LRRC8D: variants seen among roughly 807,000 people sequenced by gnomAD.
The protein encoded by LRRC8D is volume-regulated anion channel subunit LRRC8D.
In LRRC8D, 20 loss-of-function variants were observed where a neutral mutation model predicts 55.8. That is an observed-to-expected ratio of 0.36 (90% CI 0.25 to 0.52). LRRC8D has a LOEUF of 0.52. Ranked by LOEUF, LRRC8D falls within the 20% of genes least tolerant of loss-of-function variation. The probability of loss-of-function intolerance (pLI) is 0.93; values close to 1 mark genes in which losing one functional copy is unlikely to be tolerated. For synonymous variants in LRRC8D, 352 were observed against 377.0 expected (o/e 0.93, Z 0.77); for missense variants, 651 against 1,030.8 (o/e 0.63, Z 5.05).
chr1:89,909,204 G>A (rs1287569103), intron 2 of LRRC8D, among the ~76,000 whole-genome samples: 1 of 152,118 alleles, frequency 6.6e-6, no homozygotes, highest in Admixed American at 6.5e-5. Flanking sequence ...TTTAGAGGAG[G>A]CCTGTAATTT....
chr1:89,845,625 C>G (rs1357447092), intron 2 of LRRC8D, among the ~76,000 whole-genome samples: 1 of 151,854 alleles, frequency 6.6e-6, no homozygotes, highest in South Asian at 2.1e-4. Context: ...TTAGTAGAGA[C>G]AGGGTTTCAC....
chr1:89,829,505 T>C (rs1021397802), intron 1 of LRRC8D, among the ~76,000 whole-genome samples: 4 of 152,248 alleles, frequency 2.6e-5, no homozygotes, highest in Non-Finnish European at 5.9e-5. Context: ...TTTAATATTT[T>C]ATAATATATA....
intron 2 of LRRC8D, among the ~76,000 whole-genome samples, chr1:89,885,321 C>T (rs1311615302): frequency 6.6e-6 from 1 of 152,146 alleles, no homozygotes; most frequent in Non-Finnish European, 1.5e-5. Flanking sequence ...CTGCATATAG[C>T]ATTGTTTATA....
intron 2 of LRRC8D, among the ~76,000 whole-genome samples, chr1:89,857,719 A>G (rs1661595008): frequency 6.6e-6 from 1 of 152,224 alleles, no homozygotes; most frequent in African/African-American, 2.4e-5. Context: ...CCCCTGTCCT[A>G]TACCTTCTGT....
At chr1:89,898,598 C>T (rs1662772707) in intron 2 of LRRC8D, among the ~76,000 whole-genome samples, 1 of 152,178 alleles carries the variant, frequency 6.6e-6, no homozygotes, top group South Asian at 2.1e-4. Flanking sequence ...AGGCTAGGAT[C>T]AGTGAGTGTA....
chr1:89,902,541 CT>C (rs935184892), intron 2 of LRRC8D, among the ~76,000 whole-genome samples: 295 of 145,086 alleles, frequency 2.0e-3, no homozygotes, highest in Middle Eastern at 3.5e-3. Context: ...TTCTTTTTTT[CT>C]TTTTTTTTTT....
Position 89,841,144 on chromosome 1 carries a change from G to A in LRRC8D, c.-147-2494G>A, listed in dbSNP as rs983553325. On this transcript the variant is annotated intron_variant, in intron 1 of 2. Transcript: ENST00000337338. ...AAAGGATTGAGAGAAGGAAAAAGGT[G>A]AACAGAGCTAGACCCTAAAAGGATG... Among the ~76,000 whole-genome samples, 26 of 152,334 alleles carry A rather than the reference G, an allele frequency of 1.7e-4. 1 individual carries two copies. The highest frequency in any genetic ancestry group is 5.8e-4 in the African/African-American group (24 of 41,570).
At chr1:89,847,758 C>T (rs1279421607) in intron 2 of LRRC8D, among the ~76,000 whole-genome samples, 2 of 152,160 alleles carry the variant, frequency 1.3e-5, no homozygotes, top group East Asian at 1.9e-4. Context: ...AAGATTTCAA[C>T]GATCTTAACT....
At chr1:89,902,010 T>G (rs1211219772) in intron 2 of LRRC8D, among the ~76,000 whole-genome samples, 1 of 152,214 alleles carries the variant, frequency 6.6e-6, no homozygotes, top group Non-Finnish European at 1.5e-5. Flanking sequence ...GTAACACATT[T>G]CTCTATAGCA....
intron 2 of LRRC8D, among the ~76,000 whole-genome samples, chr1:89,888,879 A>C (rs919898472): frequency 3.9e-5 from 6 of 152,256 alleles, no homozygotes; most frequent in Admixed American, 6.5e-5. Context: ...ACCCATCCTG[A>C]TATAAATAAA....
intron 2 of LRRC8D, among the ~76,000 whole-genome samples, chr1:89,905,851 G>A (rs573842249): frequency 1.3e-5 from 2 of 152,256 alleles, no homozygotes; most frequent in South Asian, 2.1e-4. Flanking sequence ...AGGAAGGCCC[G>A]GTGTATTGTA....
At position 89,935,209 on chromosome 1, in the gene LRRC8D, C is replaced by T. The variant is rs1472313085; in HGVS notation, c.2141C>T (p.Ser714Phe). 3 of 1,614,142 alleles carry T rather than the reference C, an allele frequency of 1.9e-6. No homozygotes were observed. In the Admixed American group the frequency reaches 5.0e-5, roughly 27 times the overall value. The change falls in exon 3 of 3, where the codon TCT becomes TTT. Residue 714 changes from serine to phenylalanine, a missense_variant. Ser to Phe is a radical substitution (Grantham distance 155). This residue lies in a region of LRRC8D where 338 missense variants were observed against 479.4 expected (regional missense o/e 0.71). Transcript: ENST00000337338. ...AAAAACTTGGAGTCACTTTATTTCT[C>T]TAACAACAAGCTCGAATCCTTACCA... Reference protein sequence around the residue: ...HVKNLESLYFSNNKLESLPVA... With the variant: ...HVKNLESLYFFNNKLESLPVA...
rs934619903 is a variant in LRRC8D, at chr1:89,911,449, G to A, written c.-2-21618G>A. On this transcript the variant is annotated intron_variant, in intron 2 of 2. Transcript: ENST00000337338. The surrounding 1 kb of genome is among the most constrained non-coding windows in gnomAD (Gnocchi z 4.0). ...CCGCATACTTGAGTTATAGCTCCTT[G>A]TCGAAATGTGTTTGTATAATTTGAC... Among the ~76,000 whole-genome samples the A allele has an allele frequency of 6.6e-6, 1 of 152,080 alleles. No homozygotes were observed. The highest frequency in any genetic ancestry group is 1.5e-5 in the Non-Finnish European group (1 of 68,006).
chr1:89,862,611 G>A (rs1661748908), intron 2 of LRRC8D, among the ~76,000 whole-genome samples: 1 of 152,210 alleles, frequency 6.6e-6, no homozygotes, highest in Admixed American at 6.5e-5. Flanking sequence ...AACTCTAGGA[G>A]ATGGGTATAA....
At chr1:89,849,645 T>C (rs769397126) in intron 2 of LRRC8D, among the ~76,000 whole-genome samples, 4 of 152,192 alleles carry the variant, frequency 2.6e-5, no homozygotes, top group Non-Finnish European at 4.4e-5. Context: ...ATTTACTTAA[T>C]TTAATTTCCC....
chr1:89,899,057 C>T (rs1438140202), intron 2 of LRRC8D, among the ~76,000 whole-genome samples: 5 of 152,204 alleles, frequency 3.3e-5, no homozygotes, highest in South Asian at 2.1e-4. Flanking sequence ...TCTTCAGCTT[C>T]GGAAACACCC....
At chr1:89,927,118 C>CT (rs1663585477) in intron 2 of LRRC8D, among the ~76,000 whole-genome samples, 1 of 152,184 alleles carries the variant, frequency 6.6e-6, no homozygotes, top group African/African-American at 2.4e-5. Flanking sequence ...AAGCAGGCAC[C>CT]TACTCTCAGG....
At chr1:89,853,266 T>C (rs1251241302) in intron 2 of LRRC8D, among the ~76,000 whole-genome samples, 1 of 152,214 alleles carries the variant, frequency 6.6e-6, no homozygotes. Flanking sequence ...TTAGTAAGGA[T>C]GGAAAACATA....
intron 2 of LRRC8D, among the ~76,000 whole-genome samples, chr1:89,907,677 T>A (rs1253233696): frequency 6.6e-6 from 1 of 152,226 alleles, no homozygotes; most frequent in East Asian, 1.9e-4. Flanking sequence ...GAGGAATTAT[T>A]TCATGAGTCC....
Sources: gnomAD v4.1 joint callset for allele counts (sites outside exome capture counted in the v4.1 genomes callset) on GRCh38, gnomAD v4.1.1 for gene constraint, gnomAD v4.1.1 regional missense constraint, Gnocchi (gnomAD v3.1) non-coding constraint, MANE v1.5 for transcripts, NCBI Gene and HGNC (gene_info 2026-07-23, HGNC 2026-07-21) for gene names.